Variants in ATP6V0A4 observed in about 807,000 individuals in gnomAD.
The protein encoded by ATP6V0A4 is V-type proton ATPase 116 kDa subunit a 4.
ATP6V0A4 carries 86 observed loss-of-function variants against 107.3 expected under a neutral mutation model. The observed-to-expected ratio is 0.80, with a 90% CI of 0.67 to 0.96. ATP6V0A4 has a LOEUF of 0.96. Ranked by LOEUF, ATP6V0A4 falls within the 40% of genes least tolerant of loss-of-function variation. The pLI is 0.00. For missense variants in ATP6V0A4, 908 were observed against 1,045.6 expected (o/e 0.87, Z 1.81); for synonymous variants, 353 against 381.4 (o/e 0.93, Z 0.87).
intron 7 of ATP6V0A4, 127 bp from the exon 8 acceptor site, chr7:138,760,005 G>A (rs773975907): frequency 1.6e-5 from 25 of 1,532,902 alleles, no homozygotes; most frequent in Middle Eastern, 2.2e-4. Context: ...GAGGGACCCC[G>A]ACACAGCTCT....
chr7:138,783,531 G>T (rs1320517710), intron 2 of ATP6V0A4, among the ~76,000 whole-genome samples: 1 of 152,106 alleles, frequency 6.6e-6, no homozygotes, highest in Non-Finnish European at 1.5e-5. Flanking sequence ...TTTCAGACCA[G>T]CATGGGCAGC....
At chr7:138,747,976 G>C (rs114369884) in intron 12 of ATP6V0A4, among the ~76,000 whole-genome samples, 1 of 151,752 alleles carries the variant, frequency 6.6e-6, no homozygotes, top group Non-Finnish European at 1.5e-5. Context: ...GGCTGGTCTC[G>C]AACTCCTGGT....
Position 138,776,482 on chromosome 7 carries a change from C to T in ATP6V0A4, c.-17-5218G>A, listed in dbSNP as rs549524111. Among the ~76,000 whole-genome samples, 3 of 152,344 alleles carry T rather than the reference C, an allele frequency of 2.0e-5. No homozygotes were observed. The South Asian group carries it at 6.2e-4, about 32-fold the overall frequency. On this transcript the variant is annotated intron_variant, in intron 2 of 21. Transcript: ENST00000310018. Reference sequence around the variant, plus strand: ...GCAAAGAAGAGCAGGAAGATAAGAACTGTGTTGATTCTACCTCTCCCTTCA... The same window carrying T: ...GCAAAGAAGAGCAGGAAGATAAGAATTGTGTTGATTCTACCTCTCCCTTCA...
chr7:138,724,900 C>T (rs925052506), intron 18 of ATP6V0A4, among the ~76,000 whole-genome samples: 1 of 152,160 alleles, frequency 6.6e-6, no homozygotes, highest in African/African-American at 2.4e-5. Flanking sequence ...TTACTAAAAT[C>T]GCACAATGCT....
chr7:138,796,749 C>G (rs61667367), intron 1 of ATP6V0A4, among the ~76,000 whole-genome samples: 43 of 151,854 alleles, frequency 2.8e-4, no homozygotes, highest in African/African-American at 3.6e-4. Flanking sequence ...TTGAGTCTTG[C>G]CAGGTTGCAT....
chr7:138,713,485 C>G (rs1184845100), intron 20 of ATP6V0A4, among the ~76,000 whole-genome samples: 1 of 152,072 alleles, frequency 6.6e-6, no homozygotes, highest in Non-Finnish European at 1.5e-5. Flanking sequence ...ACACCTTGGC[C>G]TGGCTTCTCT....
chr7:138,718,177 GAGGGAGAC>G (rs1804180735), intron 19 of ATP6V0A4, among the ~76,000 whole-genome samples: 1 of 129,864 alleles, frequency 7.7e-6, no homozygotes, highest in African/African-American at 2.9e-5. Context: ...GATGTCTGTG[GAGGGAGAC>G]GTCCAGGAAG....
At chr7:138,721,810 C>T in intron 19 of ATP6V0A4, 87 bp downstream of exon 19, 1 of 1,531,400 alleles carries the variant, frequency 6.5e-7, no homozygotes. Flanking sequence ...GTGGGGCCCT[C>T]CAGACCCACC....
chr7:138,779,691 G>A (rs1232358420), intron 2 of ATP6V0A4, among the ~76,000 whole-genome samples: 5 of 152,090 alleles, frequency 3.3e-5, no homozygotes, highest in African/African-American at 9.7e-5. Context: ...CAGAAGAGGA[G>A]GTAAACTGCT....
intron 17 of ATP6V0A4, 140 bp from the exon 18 acceptor site, chr7:138,729,002 C>G: frequency 6.6e-7 from 1 of 1,522,366 alleles, no homozygotes; most frequent in Non-Finnish European, 8.9e-7. Flanking sequence ...ATCCATTCAC[C>G]TTCACGCCTG....
intron 11 of ATP6V0A4, among the ~76,000 whole-genome samples, chr7:138,750,707 C>G (rs567268790): frequency 6.6e-6 from 1 of 152,350 alleles, no homozygotes; most frequent in East Asian, 1.9e-4. Context: ...CCTCCCAGCG[C>G]TCTGCGCATG....
At chr7:138,737,879 AGCCTCCCAAGTAGCTGGGACTAC>A (rs1805428771) in intron 15 of ATP6V0A4, among the ~76,000 whole-genome samples, 1 of 151,082 alleles carries the variant, frequency 6.6e-6, no homozygotes, top group Non-Finnish European at 1.5e-5. Context: ...CTCCTGCCTC[AGCCTCCCAAGTAGCTGGGACTAC>A]TGGTGTGTGC....
chr7:138,706,810 T>A lies in ATP6V0A4; in HGVS notation c.2430-93A>T. On this transcript the variant is annotated intron_variant, in intron 21 of 21. Coordinates refer to ENST00000310018, the MANE Select transcript of ATP6V0A4 (RefSeq NM_020632.3). Reference sequence around the variant, plus strand: ...GTGGAGGGAAGGAGGAAGCAGAGCGTTCGTAAAATCAAGCACAAAGTCAGA... The same window carrying A: ...GTGGAGGGAAGGAGGAAGCAGAGCGATCGTAAAATCAAGCACAAAGTCAGA... 5 of 1,568,158 alleles carry A rather than the reference T, an allele frequency of 3.2e-6. No individual in the cohort carries two copies. The Admixed American group carries it at 7.2e-5, about 23-fold the overall frequency.
At chr7:138,710,503 G>A (rs569674284) in intron 20 of ATP6V0A4, among the ~76,000 whole-genome samples, 1 of 152,122 alleles carries the variant, frequency 6.6e-6, no homozygotes. Flanking sequence ...CCTCTTCTTT[G>A]ACCAGGAAGT....
intron 15 of ATP6V0A4, among the ~76,000 whole-genome samples, chr7:138,734,933 G>A (rs918513497): frequency 6.6e-6 from 1 of 152,082 alleles, no homozygotes; most frequent in Non-Finnish European, 1.5e-5. Context: ...CTGAAAGTCT[G>A]TAGTGCTTCG....
intron 20 of ATP6V0A4, among the ~76,000 whole-genome samples, chr7:138,710,208 C>T (rs56062539): frequency 0.45 from 63,494 of 140,324 alleles, 13,958 homozygotes; most frequent in Admixed American, 0.52. Context: ...TTTTTTTTTT[C>T]GAGACAGAGT....
intron 3 of ATP6V0A4, among the ~76,000 whole-genome samples, chr7:138,769,855 A>G (rs1237884571): frequency 1.3e-5 from 2 of 152,122 alleles, no homozygotes; most frequent in Admixed American, 1.3e-4. Context: ...AGGCTGGTGG[A>G]TCCCTTGAGC....
At chr7:138,717,908 GGAAAAA>G (rs1387041355) in intron 19 of ATP6V0A4, among the ~76,000 whole-genome samples, 925 of 73,016 alleles carry the variant, frequency 0.013, 5 homozygotes, top group African/African-American at 0.04. Context: ...ACTCTGTCTC[GGAAAAA>G]AAAAAAAAAA....
Position 138,706,408 on chromosome 7 carries a change from C to T in ATP6V0A4, c.*216G>A, listed in dbSNP as rs1306964028. Reference sequence around the variant, plus strand: ...TACTTTATTATTTGAGAATTAATACCCCACATGAAGACAATATCACTTGCC... The same window carrying T: ...TACTTTATTATTTGAGAATTAATACTCCACATGAAGACAATATCACTTGCC... On this transcript the variant is annotated 3_prime_UTR_variant, in exon 22 of 22. Coordinates refer to ENST00000310018, the MANE Select transcript of ATP6V0A4 (RefSeq NM_020632.3). 5 of 570,410 alleles carry T rather than the reference C, an allele frequency of 8.8e-6. No individual in the cohort carries two copies. In the South Asian group the frequency reaches 1.0e-4, roughly 12 times the overall value. The allele number at this position is 570,410 out of a possible 1,614,324, so 35.3% of individuals were successfully genotyped here. A position where few individuals can be genotyped will look rare whatever the true frequency, so the allele number is the denominator to read the frequency against.
Sources: allele counts gnomAD v4.1 joint callset (sites outside exome capture counted in the v4.1 genomes callset), GRCh38; gene constraint gnomAD v4.1.1; transcripts MANE v1.5; gene names NCBI Gene and HGNC (gene_info 2026-07-23, HGNC 2026-07-21).